The following GPHN variants were observed in gnomAD, a reference collection of about 807,000 sequenced individuals.
GPHN encodes the protein gephyrin.
GPHN carries 17 observed loss-of-function variants against 95.5 expected under a neutral mutation model. The observed-to-expected ratio is 0.18, with a 90% confidence interval of 0.12 to 0.27. The LOEUF is 0.27. Ranked by LOEUF, GPHN falls within the 10% of genes least tolerant of loss-of-function variation. The pLI is 1.00. For missense variants in GPHN, 660 were observed against 978.1 expected, an observed-to-expected ratio of 0.67 and a Z score of 4.34; for synonymous variants, 320 against 322.5, an observed-to-expected ratio of 0.99 and a Z score of 0.08.
chr14:66,893,349 G>C (rs1376745748), intron 5 of GPHN, among the ~76,000 whole-genome samples: 1 of 152,138 alleles, frequency 6.6e-6, no homozygotes, highest in Non-Finnish European at 1.5e-5. Flanking sequence ...AGCCCACTGA[G>C]TGTGAGCTGA....
the GPHN span, among the ~76,000 whole-genome samples, chr14:67,226,032 T>C: frequency 2.0e-5 from 3 of 147,774 alleles, no homozygotes; most frequent in Non-Finnish European, 4.5e-5. Flanking sequence ...AGGGGGGAGG[T>C]TGGTGGACCA....
chr14:66,969,265 G>T (rs2069568451), intron 9 of GPHN: 1 of 152,070 alleles, frequency 6.6e-6, no homozygotes, highest in South Asian at 2.1e-4. Context: ...GAACAAAGTT[G>T]GGATATTTGA....
the GPHN span, chr14:67,729,819 T>C: frequency 2.1e-6 from 1 of 480,498 alleles, no homozygotes; most frequent in East Asian, 5.9e-5. Flanking sequence ...ATTGGCACTA[T>C]CTGTTGAAAT....
At chr14:66,680,367 G>A (rs2066869173) in intron 1 of GPHN, among the ~76,000 whole-genome samples, 1 of 152,148 alleles carries the variant, frequency 6.6e-6, no homozygotes, top group South Asian at 2.1e-4. Flanking sequence ...ATCTGTTCTA[G>A]TGTGACTTTG....
the GPHN span, chr14:67,587,170 G>A: frequency 7.4e-6 from 12 of 1,613,818 alleles, no homozygotes; most frequent in Non-Finnish European, 1.0e-5. Context: ...CCAGCTGTGG[G>A]AACTGGATGG....
the GPHN span, chr14:67,690,207 C>A: frequency 6.2e-7 from 1 of 1,611,928 alleles, no homozygotes; most frequent in Non-Finnish European, 8.5e-7. Context: ...TTCCTCTAGG[C>A]CCACCTTTTA....
chr14:67,605,043 T>G, the GPHN span, among the ~76,000 whole-genome samples: 2 of 152,224 alleles, frequency 1.3e-5, no homozygotes, highest in African/African-American at 2.4e-5. Flanking sequence ...CTCATACTGT[T>G]AAGTCTTTCA....
At chr14:67,622,218 A>C in the GPHN span, among the ~76,000 whole-genome samples, 1 of 152,242 alleles carries the variant, frequency 6.6e-6, no homozygotes, top group South Asian at 2.1e-4. Context: ...TTCTGGTGAC[A>C]TAAGTGCAAA....
At chr14:66,653,002 C>T (rs2065119336) in intron 1 of GPHN, among the ~76,000 whole-genome samples, 1 of 152,176 alleles carries the variant, frequency 6.6e-6, no homozygotes, top group African/African-American at 2.4e-5. Flanking sequence ...ATTCAGCTGT[C>T]TGGGGGTCAT....
intron 4 of GPHN, among the ~76,000 whole-genome samples, chr14:66,872,668 G>A (rs2063488221): frequency 6.6e-6 from 1 of 152,076 alleles, no homozygotes; most frequent in Non-Finnish European, 1.5e-5. Context: ...GATGAGGTGG[G>A]CAGATCACCC....
chr14:66,829,551 A>G (rs1051376452), intron 4 of GPHN, among the ~76,000 whole-genome samples: 3 of 152,192 alleles, frequency 2.0e-5, no homozygotes, highest in African/African-American at 7.2e-5. Flanking sequence ...CAAAAAAGGT[A>G]TTATTACATA....
intron 18 of GPHN, among the ~76,000 whole-genome samples, chr14:67,145,000 C>T (rs914832224): frequency 6.6e-6 from 1 of 152,178 alleles, no homozygotes; most frequent in South Asian, 2.1e-4. Context: ...AGCAAATTGC[C>T]GCAGAGCTCT....
the GPHN span, among the ~76,000 whole-genome samples, chr14:67,425,915 A>AT: frequency 0.03 from 4,494 of 147,956 alleles, 89 homozygotes; most frequent in Non-Finnish European, 0.043. Context: ...CAAAAAAAAA[A>AT]TTTTTTTTTT....
the GPHN span, among the ~76,000 whole-genome samples, chr14:67,233,450 G>T: frequency 6.6e-6 from 1 of 152,156 alleles, no homozygotes; most frequent in African/African-American, 2.4e-5. Flanking sequence ...TTCCAATTCT[G>T]CCATAGTCTA....
the GPHN span, among the ~76,000 whole-genome samples, chr14:67,595,526 C>T: frequency 2.0e-5 from 3 of 152,194 alleles, no homozygotes; most frequent in African/African-American, 7.2e-5. Context: ...GTGAGTGAAC[C>T]ATGATTGGTT....
chr14:67,258,450 T>G, the GPHN span, among the ~76,000 whole-genome samples: 1 of 152,148 alleles, frequency 6.6e-6, no homozygotes, highest in South Asian at 2.1e-4. Context: ...GCAGGAGGAT[T>G]GCAACTGTTG....
chr14:66,997,062 A>G (rs1335078823), intron 9 of GPHN, among the ~76,000 whole-genome samples: 2 of 152,106 alleles, frequency 1.3e-5, no homozygotes, highest in Non-Finnish European at 2.9e-5. Context: ...TTGAAATATG[A>G]CAGGTAAATA....
At chr14:67,374,651 C>T in the GPHN span, 3 of 712,370 alleles carry the variant, frequency 4.2e-6, no homozygotes, top group Non-Finnish European at 6.5e-6. Flanking sequence ...TGCTTATGAT[C>T]TAATATTCTC....
chr14:67,676,969 T>A, the GPHN span: 1 of 152,244 alleles, frequency 6.6e-6, no homozygotes, highest in East Asian at 1.9e-4. Context: ...TTCCGTAAAA[T>A]GACCATTTCT....
Sources: gnomAD v4.1 joint callset for allele counts (sites outside exome capture counted in the v4.1 genomes callset) on GRCh38, gnomAD v4.1.1 for gene constraint, MANE v1.5 for transcripts, NCBI Gene and HGNC (gene_info 2026-07-23, HGNC 2026-07-21) for gene names.